The following MEGF11 variants were observed in gnomAD, a reference collection of about 807,000 sequenced individuals.
MEGF11 encodes multiple EGF like domains 11, also known as multiple epidermal growth factor-like domains protein 11.
Under a neutral mutation model 146.6 loss-of-function variants are expected in MEGF11, and 126 were observed. That is an observed-to-expected ratio of 0.86 (90% CI 0.74 to 1.00). The LOEUF (loss-of-function observed/expected upper bound fraction) is 1.00. MEGF11 is among the 50% of genes least tolerant of loss of function. The pLI, the probability that MEGF11 is intolerant of heterozygous loss-of-function variation, is 0.00. For synonymous variants in MEGF11, 532 were observed against 583.4 expected, an observed-to-expected ratio of 0.91 and a Z score of 1.27; for missense variants, 1,509 against 1,521.2, an observed-to-expected ratio of 0.99 and a Z score of 0.13.
intron 5 of MEGF11, among the ~76,000 whole-genome samples, chr15:66,005,220 G>C (rs2082483997): frequency 6.6e-6 from 1 of 152,206 alleles, no homozygotes; most frequent in Non-Finnish European, 1.5e-5. Context: ...TCCACTTTCT[G>C]CTAGTCGGTG....
In MEGF11 at chr15:65,906,109, A is replaced by G. The variant is rs760916787; in HGVS notation, c.3031T>C (p.Tyr1011His). The G allele has an allele frequency of 2.5e-6, 4 of 1,611,100 alleles. No homozygotes were observed. Among genetic ancestry groups the G allele is most frequent in the Non-Finnish European group, 3.4e-6 (4 of 1,178,622 alleles). Residue 1011 changes from tyrosine to histidine, a missense_variant, in exon 24 of 26, where the codon TAC becomes CAC. Physicochemically the swap from Tyr to His is moderately conservative, Grantham distance 83 (BLOSUM62 2). Coordinates refer to ENST00000395614, the MANE Select transcript of MEGF11 (RefSeq NM_001385028.1). ...CCTTTGAAGCCTTTGTCCATAATGTATGTGTTCTGACGTCTATCCATTCCA... is the reference window on the plus strand; with the variant it reads ...CCTTTGAAGCCTTTGTCCATAATGTGTGTGTTCTGACGTCTATCCATTCCA... ...ACGMDRRQNT[Y>H]IMDKGFKDYM...
intron 5 of MEGF11, among the ~76,000 whole-genome samples, chr15:66,078,559 G>A (rs1177114210): frequency 6.6e-6 from 1 of 152,240 alleles, no homozygotes; most frequent in African/African-American, 2.4e-5. Flanking sequence ...CCCAGGATGA[G>A]ATGCACCTTC....
At chr15:65,948,148 C>T (rs2080264346) in intron 10 of MEGF11, among the ~76,000 whole-genome samples, 1 of 152,078 alleles carries the variant, frequency 6.6e-6, no homozygotes, top group Non-Finnish European at 1.5e-5. Context: ...CCCTCCCTGC[C>T]CAGGGAAACA....
chr15:66,213,986 T>C (rs1313923814), intron 1 of MEGF11, among the ~76,000 whole-genome samples: 6 of 150,254 alleles, frequency 4.0e-5, no homozygotes, highest in Admixed American at 2.7e-4. Flanking sequence ...CTCCTCTCCC[T>C]GAGACCTCAG....
intron 5 of MEGF11, among the ~76,000 whole-genome samples, chr15:66,015,200 C>T (rs2082845872): frequency 6.6e-6 from 1 of 152,192 alleles, no homozygotes; most frequent in Admixed American, 6.5e-5. Flanking sequence ...CCCCTCTCCC[C>T]TCACCAGCAA....
rs1324075602 is a variant in MEGF11, at chr15:65,982,199, C to T, written c.641+43G>A. 1 of 1,516,990 alleles carries T rather than the reference C, an allele frequency of 6.6e-7. No individual in the cohort carries two copies. The highest frequency in any genetic ancestry group is 2.5e-5 in the East Asian group (1 of 40,268). 94.0% of individuals were successfully genotyped at this position (1,516,990 alleles called of 1,614,324 possible). ...CCACCCAGGCACCCTCCAGGTCCCGCCCCTCCAGGTCCCGCCCCTCCAGGT... is the reference window on the plus strand; with the variant it reads ...CCACCCAGGCACCCTCCAGGTCCCGTCCCTCCAGGTCCCGCCCCTCCAGGT... On this transcript the variant is annotated intron_variant, in intron 6 of 25. Coordinates refer to ENST00000395614, the MANE Select transcript of MEGF11 (RefSeq NM_001385028.1). This position sits in a 1 kb window ranked among gnomAD's most constrained non-coding sequence, Gnocchi z 5.6.
At chr15:66,030,104 T>C (rs188403782) in intron 5 of MEGF11, among the ~76,000 whole-genome samples, 151 of 152,352 alleles carry the variant, frequency 9.9e-4, no homozygotes, top group African/African-American at 3.5e-3. Context: ...ACAGTGACAA[T>C]GTCCTTCAGG....
intron 5 of MEGF11, among the ~76,000 whole-genome samples, chr15:66,031,215 T>C (rs2083505101): frequency 6.6e-6 from 1 of 152,186 alleles, no homozygotes; most frequent in African/African-American, 2.4e-5. Context: ...GCACAGCCCA[T>C]CCTAGGTACC....
chr15:65,927,518 A>G (rs950603321), intron 13 of MEGF11, among the ~76,000 whole-genome samples: 1 of 152,186 alleles, frequency 6.6e-6, no homozygotes, highest in Admixed American at 6.5e-5. Flanking sequence ...ACAATAGGAA[A>G]AGTGTAGGGT....
At chr15:66,092,416 A>G (rs963743109) in intron 5 of MEGF11, among the ~76,000 whole-genome samples, 1 of 152,332 alleles carries the variant, frequency 6.6e-6, no homozygotes, top group Non-Finnish European at 1.5e-5. Flanking sequence ...TGGCTCTTCA[A>G]CCAATGAGGG....
chr15:66,002,278 G>T (rs2082391078), intron 5 of MEGF11, among the ~76,000 whole-genome samples: 1 of 152,174 alleles, frequency 6.6e-6, no homozygotes, highest in Admixed American at 6.5e-5. Context: ...CATCACTCAG[G>T]CTCGAGAGAG....
At chr15:66,202,816 C>T (rs577863655) in intron 1 of MEGF11, among the ~76,000 whole-genome samples, 38 of 152,316 alleles carry the variant, frequency 2.5e-4, no homozygotes, top group Admixed American at 1.6e-3. Context: ...TCTCAGAGGG[C>T]GATGGTCTGG....
rs1033275726 is a variant in MEGF11, at chr15:66,079,544, C to A, written c.394+14858G>T. On this transcript the variant is annotated intron_variant, in intron 5 of 25. Coordinates refer to ENST00000395614, the MANE Select transcript of MEGF11 (RefSeq NM_001385028.1). ...CTGGGAACCTTCATTCACACCCCCC[C>A]CCCCAGCACCCCCGCCAAAACTCAG... is the stretch of plus-strand genomic sequence containing the variant. Among the ~76,000 whole-genome samples, 291 of 143,722 alleles carry A rather than the reference C, an allele frequency of 2.0e-3. 5 individuals are homozygous for A. The highest frequency in any genetic ancestry group is 7.8e-3 in the African/African-American group (280 of 35,928). 94.3% of individuals were successfully genotyped at this position (143,722 alleles called of 152,430 possible).
chr15:66,186,292 G>A (rs559656280), intron 1 of MEGF11, among the ~76,000 whole-genome samples: 3 of 152,302 alleles, frequency 2.0e-5, no homozygotes, highest in African/African-American at 4.8e-5. Flanking sequence ...TTTGGAAGAA[G>A]AGCAGTTTTT....
intron 7 of MEGF11, among the ~76,000 whole-genome samples, chr15:65,975,002 C>T (rs888792463): frequency 2.0e-5 from 3 of 152,088 alleles, no homozygotes; most frequent in Non-Finnish European, 2.9e-5. Context: ...CCCGCCACCA[C>T]GCCCAGCTAA....
intron 4 of MEGF11, among the ~76,000 whole-genome samples, chr15:66,096,927 C>T (rs950626011): frequency 5.9e-5 from 9 of 152,140 alleles, no homozygotes; most frequent in Non-Finnish European, 1.0e-4. Context: ...AGAACACCGC[C>T]CCCCACACTG....
intron 1 of MEGF11, among the ~76,000 whole-genome samples, chr15:66,241,428 C>T (rs1204042659): frequency 6.6e-6 from 1 of 152,242 alleles, no homozygotes; most frequent in Non-Finnish European, 1.5e-5. Context: ...ACCTTGAAAA[C>T]TGCAGAACTG....
intron 1 of MEGF11, among the ~76,000 whole-genome samples, chr15:66,143,929 G>A (rs1177519947): frequency 1.3e-5 from 2 of 152,156 alleles, no homozygotes; most frequent in Admixed American, 1.3e-4. Context: ...GGACCAGGAG[G>A]GGACAGAGGG....
intron 1 of MEGF11, among the ~76,000 whole-genome samples, chr15:66,221,470 A>G (rs1412279354): frequency 1.3e-5 from 2 of 151,734 alleles, no homozygotes. Flanking sequence ...ACATAATTTC[A>G]CAACTGTCAG....
Sources: allele counts gnomAD v4.1 joint callset (sites outside exome capture counted in the v4.1 genomes callset), GRCh38; gene constraint gnomAD v4.1.1; non-coding constraint Gnocchi (gnomAD v3.1); transcripts MANE v1.5; gene names NCBI Gene and HGNC (gene_info 2026-07-23, HGNC 2026-07-21).